Variants in THRB observed in about 807,000 individuals in gnomAD.
The protein encoded by THRB is nuclear receptor subfamily 1 group A member 2.
THRB carries 12 observed loss-of-function variants against 47.8 expected under a neutral mutation model. The ratio of observed to expected loss-of-function variants is 0.25; its 90% CI spans 0.16 to 0.41. The LOEUF is 0.41. Among genes scored for constraint, THRB ranks in the 10% least tolerant of loss-of-function variants. The pLI is 1.00. For missense variants in THRB, 348 were observed against 589.2 expected (o/e 0.59, Z 4.24); for synonymous variants, 218 against 212.2 (o/e 1.03, Z -0.24).
intron 3 of THRB, among the ~76,000 whole-genome samples, chr3:24,289,647 A>G (rs2055717870): frequency 6.6e-6 from 1 of 152,212 alleles, no homozygotes. Context: ...CAGCTACTCA[A>G]AGAAAACCTA....
At chr3:24,290,494 T>G (rs1045396769) in intron 3 of THRB, among the ~76,000 whole-genome samples, 4 of 152,218 alleles carry the variant, frequency 2.6e-5, no homozygotes. Context: ...CTCAGCATTT[T>G]GAAACAAAAT....
intron 1 of THRB, among the ~76,000 whole-genome samples, chr3:24,407,572 A>G (rs2067931482): frequency 6.6e-6 from 1 of 151,916 alleles, no homozygotes; most frequent in Non-Finnish European, 1.5e-5. Context: ...TACTTTGAAC[A>G]TTAGAAACAA....
At chr3:24,370,372 G>A (rs954633697) in intron 1 of THRB, among the ~76,000 whole-genome samples, 12 of 151,872 alleles carry the variant, frequency 7.9e-5, no homozygotes, top group African/African-American at 2.2e-4. Flanking sequence ...TCATAGCACC[G>A]TGGGGTCCCC....
intron 1 of THRB, among the ~76,000 whole-genome samples, chr3:24,440,203 C>A (rs1473477040): frequency 6.6e-6 from 1 of 152,098 alleles, no homozygotes; most frequent in Non-Finnish European, 1.5e-5. Flanking sequence ...TAACCTTGTT[C>A]CATCATTCCA....
intron 1 of THRB, among the ~76,000 whole-genome samples, chr3:24,349,450 C>T (rs1038955761): frequency 1.3e-5 from 2 of 152,048 alleles, no homozygotes; most frequent in Non-Finnish European, 2.9e-5. Context: ...CTACCAGTTA[C>T]AGGATTATAA....
chr3:24,311,021 A>G (rs1050618824), intron 2 of THRB, among the ~76,000 whole-genome samples: 2 of 152,108 alleles, frequency 1.3e-5, no homozygotes, highest in African/African-American at 2.4e-5. Flanking sequence ...GCAGATATCT[A>G]TGGTCATCTT....
chr3:24,465,273 T>C (rs965069296), intron 1 of THRB, among the ~76,000 whole-genome samples: 2 of 152,188 alleles, frequency 1.3e-5, no homozygotes, highest in South Asian at 2.1e-4. Context: ...CTAGCGTCTA[T>C]TGTTGCTAAT....
chr3:24,369,399 G>A (rs992046834), intron 1 of THRB, among the ~76,000 whole-genome samples: 18 of 152,180 alleles, frequency 1.2e-4, no homozygotes, highest in African/African-American at 3.6e-4. Flanking sequence ...GCAGAGCTGA[G>A]GTTTGAACTC....
chr3:24,251,770 G>A (rs932604739), intron 3 of THRB, among the ~76,000 whole-genome samples: 1 of 151,942 alleles, frequency 6.6e-6, no homozygotes, highest in African/African-American at 2.4e-5. Context: ...TATTTAAACT[G>A]TTTGAAAGCA....
intron 1 of THRB, among the ~76,000 whole-genome samples, chr3:24,401,126 C>G (rs549308389): frequency 6.6e-6 from 1 of 152,098 alleles, no homozygotes; most frequent in African/African-American, 2.4e-5. Flanking sequence ...AAAAGTCCAT[C>G]CCTTTTATAT....
At chr3:24,255,646 T>C (rs2051183907) in intron 3 of THRB, among the ~76,000 whole-genome samples, 1 of 151,994 alleles carries the variant, frequency 6.6e-6, no homozygotes, top group Non-Finnish European at 1.5e-5. Flanking sequence ...GGCAATCCCA[T>C]GTGTGGGTTT....
intron 4 of THRB, among the ~76,000 whole-genome samples, chr3:24,201,000 A>G (rs1038175733): frequency 6.6e-6 from 1 of 152,208 alleles, no homozygotes; most frequent in Non-Finnish European, 1.5e-5. Flanking sequence ...TAGCACCTGT[A>G]TCTCACTGAT....
intron 1 of THRB, among the ~76,000 whole-genome samples, chr3:24,491,354 T>C (rs753242912): frequency 2.6e-5 from 4 of 152,206 alleles, no homozygotes; most frequent in Non-Finnish European, 5.9e-5. Flanking sequence ...AATTATAATT[T>C]CCTTTTGCTC....
At chr3:24,336,966 C>A (rs1247509121) in intron 2 of THRB, among the ~76,000 whole-genome samples, 1 of 152,050 alleles carries the variant, frequency 6.6e-6, no homozygotes, top group Non-Finnish European at 1.5e-5. Context: ...TCATGATCCG[C>A]CTGCCTTTTT....
At chr3:24,290,106 A>C (rs144128590) in intron 3 of THRB, among the ~76,000 whole-genome samples, 2,746 of 152,336 alleles carry the variant, frequency 0.018, 55 homozygotes, top group Non-Finnish European at 0.021. Context: ...ACATGTTTGC[A>C]AGGCAATAAA....
At chr3:24,484,693 T>C (rs555580871) in intron 1 of THRB, among the ~76,000 whole-genome samples, 127 of 152,348 alleles carry the variant, frequency 8.3e-4, no homozygotes, top group African/African-American at 3.0e-3. Flanking sequence ...ACACCATTTG[T>C]TCACATATTG....
chr3:24,151,677 T>C (rs1368284405), intron 6 of THRB, among the ~76,000 whole-genome samples: 1 of 152,176 alleles, frequency 6.6e-6, no homozygotes, highest in African/African-American at 2.4e-5. Context: ...CCAAAAGATA[T>C]TTTCCAGAAA....
At chr3:24,159,872 C>G (rs1157445810) in intron 5 of THRB, among the ~76,000 whole-genome samples, 1 of 152,006 alleles carries the variant, frequency 6.6e-6, no homozygotes, top group Non-Finnish European at 1.5e-5. Flanking sequence ...GCCCCAATGT[C>G]AATAGTGCCA....
chr3:24,235,084 A>T (rs986575), intron 3 of THRB, among the ~76,000 whole-genome samples: 15 of 152,076 alleles, frequency 9.9e-5, no homozygotes, highest in Non-Finnish European at 2.1e-4. Context: ...GAGTGGGATC[A>T]TTGCTATTAG....
Sources: gnomAD v4.1 joint callset for allele counts (sites outside exome capture counted in the v4.1 genomes callset) on GRCh38, gnomAD v4.1.1 for gene constraint, MANE v1.5 for transcripts, NCBI Gene and HGNC (gene_info 2026-07-23, HGNC 2026-07-21) for gene names.